Variants in MECR observed in about 807,000 individuals in gnomAD.
The protein encoded by MECR is enoyl-[acyl-carrier-protein] reductase, mitochondrial.
Under a neutral mutation model 49.1 loss-of-function variants are expected in MECR, and 37 were observed. The observed-to-expected ratio is 0.75, with a 90% CI of 0.58 to 0.99. MECR has a LOEUF of 0.99. MECR is among the 50% of genes least tolerant of loss of function. The pLI is 0.00. For missense variants in MECR, 470 were observed against 479.6 expected, an observed-to-expected ratio of 0.98 and a Z score of 0.19; for synonymous variants, 198 against 191.1, an observed-to-expected ratio of 1.04 and a Z score of -0.30.
intron 7 of MECR, among the ~76,000 whole-genome samples, chr1:29,199,976 G>T (rs1215026043): frequency 5.3e-5 from 8 of 151,758 alleles, no homozygotes; most frequent in Admixed American, 4.6e-4. Flanking sequence ...ACCCAGGCTG[G>T]TCTCGAACTC....
Position 29,200,551 on chromosome 1 carries a change from A to ACCCT in MECR, c.794_795insAGGG (p.Lys267TrpfsTer38), listed in dbSNP as rs778141586. 6.2e-7 allele frequency: 1 copy of ACCCT among 1,613,944 alleles called. No homozygotes were observed. The highest frequency in any genetic ancestry group is 8.5e-7 in the Non-Finnish European group (1 of 1,179,876). ...GCAGCAGCTCTGTGGAGCTTTTCCC[A>ACCCT]CCAACACAGTTGAGAGCAAGCCGTG... is the stretch of plus-strand genomic sequence containing the variant. On this transcript the variant is annotated frameshift_variant, in exon 7 of 10. Coordinates refer to ENST00000263702, the MANE Select transcript of MECR (RefSeq NM_016011.5). LOFTEE classifies it high-confidence loss of function.
At chr1:29,194,284 A>C in intron 9 of MECR, 105 bp from the exon 10 acceptor site, 1 of 1,271,178 alleles carries the variant, frequency 7.9e-7, no homozygotes, top group Non-Finnish European at 1.1e-6. Flanking sequence ...AGCTCCAATA[A>C]AGCCTTGAGA....
chr1:29,220,938 A>G, intron 1 of MECR: 7 of 984,946 alleles, frequency 7.1e-6, no homozygotes, highest in Non-Finnish European at 8.4e-6. Flanking sequence ...AGAATCACTG[A>G]GTCACTGAAA....
downstream of MECR, among the ~76,000 whole-genome samples, chr1:29,191,860 G>A (rs1433924666): frequency 1.3e-5 from 2 of 152,180 alleles, no homozygotes; most frequent in Non-Finnish European, 2.9e-5. Context: ...TTGGGAGGCC[G>A]AGGTGGGTGG....
At chr1:29,181,865 G>GACGCAGCCGAACCCCGGCGACGT in the MECR span, 18 of 841,766 alleles carry the variant, frequency 2.1e-5, no homozygotes, top group East Asian at 2.1e-4. Flanking sequence ...CGGCGGGACG[G>GACGCAGCCGAACCCCGGCGACGT]ACGCAGCCGA....
At chr1:29,181,557 G>T in the MECR span, 1 of 1,185,650 alleles carries the variant, frequency 8.4e-7, no homozygotes, top group Non-Finnish European at 1.2e-6. Flanking sequence ...GCTCCGCGCG[G>T]ACCAGGCGTC....
At chr1:29,175,691 T>A in the MECR span, among the ~76,000 whole-genome samples, 1 of 19,860 alleles carries the variant, frequency 5.0e-5, no homozygotes. Context: ...CCAGACGCTG[T>A]CTCAAAAAAA....
chr1:29,227,699 A>G (rs1558515704), intron 1 of MECR, among the ~76,000 whole-genome samples: 1 of 152,224 alleles, frequency 6.6e-6, no homozygotes, highest in Non-Finnish European at 1.5e-5. Context: ...AGGTAGTCCC[A>G]TGACCCCTAC....
the MECR span, chr1:29,182,024 A>G: frequency 3.2e-6 from 1 of 311,872 alleles, no homozygotes; most frequent in Admixed American, 5.2e-5. Flanking sequence ...GGGCGCGCCG[A>G]CGTGCGGCGG....
the MECR span, among the ~76,000 whole-genome samples, chr1:29,187,223 T>C: frequency 6.6e-6 from 1 of 152,156 alleles, no homozygotes; most frequent in African/African-American, 2.4e-5. Flanking sequence ...CTTTTCTCTT[T>C]TCTTTTTTGA....
the MECR span, among the ~76,000 whole-genome samples, chr1:29,173,692 G>A: frequency 2.7e-5 from 4 of 147,662 alleles, no homozygotes; most frequent in Non-Finnish European, 4.5e-5. Flanking sequence ...CAAGTGATCC[G>A]CCCACCTCAG....
chr1:29,168,473 G>C, the MECR span: 1 of 152,202 alleles, frequency 6.6e-6, no homozygotes, highest in East Asian at 1.9e-4. Context: ...ATATAATGGG[G>C]TAAAGTCTCT....
Position 29,203,210 on chromosome 1 carries a change from A to G in MECR, c.574T>C (p.Ser192Pro). Residue 192 changes from serine to proline, a missense_variant, in exon 5 of 10, where the codon TCC becomes CCC. Physicochemically the swap from Ser to Pro is moderately conservative, Grantham distance 74. Coordinates refer to ENST00000263702, the MANE Select transcript of MECR (RefSeq NM_016011.5). The stretch of plus-strand genomic sequence containing the variant: ...ACTGCTTGCCCCACTCCGCTGTTGG[A>G]TGCATTCTGGATGACAGAATCCCCT... ...QPGDSVIQNA[S>P]NSGVGQAVIQ... 6.3e-7 allele frequency: 1 copy of G among 1,581,836 alleles called. No individual in the cohort carries two copies. Among genetic ancestry groups the G allele is most frequent in the Non-Finnish European group, 8.6e-7 (1 of 1,160,124 alleles).
intron 7 of MECR, chr1:29,200,306 G>T: frequency 2.3e-6 from 1 of 435,230 alleles, no homozygotes; most frequent in Non-Finnish European, 4.2e-6. Context: ...AAATAAAGCT[G>T]GATAGGCCAA....
At chr1:29,208,925 G>A (rs1224196903) in intron 3 of MECR, among the ~76,000 whole-genome samples, 4 of 152,232 alleles carry the variant, frequency 2.6e-5, no homozygotes. Flanking sequence ...AAGGATAGAG[G>A]TGCTACCGTC....
chr1:29,226,167 T>TA (rs57234529), intron 1 of MECR, among the ~76,000 whole-genome samples: 543 of 44,394 alleles, frequency 0.012, 19 homozygotes, highest in African/African-American at 0.026. Flanking sequence ...AGGCTCTATC[T>TA]AAAAAAAAAA....
At chr1:29,188,495 C>T (rs1195378591), downstream of MECR, among the ~76,000 whole-genome samples, 2 of 152,022 alleles carry the variant, frequency 1.3e-5, no homozygotes, top group Non-Finnish European at 2.9e-5. Context: ...TGAACCACTG[C>T]GCCTGGCCTC....
chr1:29,202,002 C>A lies in MECR; in HGVS notation c.697G>T (p.Ala233Ser). Residue 233 changes from alanine (A) to serine (S), a missense_variant, in exon 6 of 10, where the codon GCT (alanine) becomes TCT (serine). Ala to Ser is a moderately conservative substitution (Grantham distance 99). Transcript: ENST00000263702. ...TCCTCTTCTGTGATGACATGCTCAG[C>A]CCCCAGACTCTTCAGTCTGTCACTC... is the stretch of plus-strand genomic sequence containing the variant. Reference protein sequence around the residue: ...KLSDRLKSLGAEHVITEEELR... With the variant: ...KLSDRLKSLGSEHVITEEELR... 6.2e-7 allele frequency: 1 copy of A among 1,614,184 alleles called. No homozygotes were observed. The highest frequency in any genetic ancestry group is 8.5e-7 in the Non-Finnish European group (1 of 1,180,024).
intron 1 of MECR, among the ~76,000 whole-genome samples, chr1:29,226,826 C>CTA (rs1440706190): frequency 7.2e-5 from 11 of 151,788 alleles, no homozygotes; most frequent in African/African-American, 2.7e-4. Flanking sequence ...CCAATGCTTG[C>CTA]TATACAGCAG....
Sources: allele counts gnomAD v4.1 joint callset (sites outside exome capture counted in the v4.1 genomes callset), GRCh38; gene constraint gnomAD v4.1.1; transcripts MANE v1.5; gene names NCBI Gene and HGNC (gene_info 2026-07-23, HGNC 2026-07-21).